Variants in CC2D2B observed in about 807,000 individuals in gnomAD.
CC2D2B encodes protein CC2D2B.
A neutral mutation model predicts 161.2 loss-of-function variants in CC2D2B; 128 were observed. The observed-to-expected ratio is 0.79, with a 90% CI of 0.69 to 0.92. CC2D2B has a LOEUF of 0.92. Ranked by LOEUF, CC2D2B falls within the 40% of genes least tolerant of loss-of-function variation. CC2D2B has a pLI of 0.00. For synonymous variants in CC2D2B, 391 were observed against 449.8 expected (o/e 0.87, Z 1.65); for missense variants, 1,173 against 1,375.1 (o/e 0.85, Z 2.32).
intron 34 of CC2D2B, among the ~76,000 whole-genome samples, chr10:96,031,196 G>A (rs1010809111): frequency 6.6e-6 from 1 of 152,106 alleles, no homozygotes; most frequent in Admixed American, 6.6e-5. Context: ...GTTAGAGAGA[G>A]ACCAGAAAAC....
In CC2D2B at chr10:95,966,175, T is replaced by C. The variant is rs1564624755; in HGVS notation, c.1354-15T>C. On this transcript the variant is annotated splice_polypyrimidine_tract_variant and intron_variant, in intron 13 of 34. Coordinates refer to ENST00000646931, the MANE Select transcript of CC2D2B (RefSeq NM_001349008.3). ...ATGTACATGGCAAATCATATATTTA[T>C]TTTTTGATTTCTAGAGCCTCTCATA... 9.8e-7 allele frequency: 1 copy of C among 1,019,680 alleles called. No individual in the cohort carries two copies. Among genetic ancestry groups the C allele is most frequent in the Non-Finnish European group, 1.3e-6 (1 of 794,658 alleles). 63.2% of individuals were successfully genotyped at this position (1,019,680 alleles called of 1,614,324 possible).
At chr10:96,024,500 G>A (rs1407595875) in intron 32 of CC2D2B, among the ~76,000 whole-genome samples, 1 of 152,158 alleles carries the variant, frequency 6.6e-6, no homozygotes, top group African/African-American at 2.4e-5. Flanking sequence ...TCAGAACAGA[G>A]AGGTGAAGAC....
chr10:95,983,173 T>C (rs922354128), intron 18 of CC2D2B, among the ~76,000 whole-genome samples: 10 of 152,250 alleles, frequency 6.6e-5, no homozygotes, highest in Admixed American at 6.5e-4. Context: ...TCGTGTGTAC[T>C]ATGCACTCAC....
At position 95,996,215 on chromosome 10, in the gene CC2D2B, C is replaced by A; in HGVS notation, c.2812C>A (p.His938Asn). ...VYKTNTASGS[H>N]PCWNEEIKVD... The stretch of plus-strand genomic sequence containing the variant: ...CAAAACCAATACAGCAAGTGGATCT[C>A]ATCCATGCTGGAATGAAGAAATTAA... Residue 938 changes from histidine to asparagine, a missense_variant, in exon 24 of 35, where the codon CAT (histidine) becomes AAT (asparagine). Physicochemically the swap from His to Asn is moderately conservative, Grantham distance 68. Transcript: ENST00000646931. 6.6e-7 allele frequency: 1 copy of A among 1,512,876 alleles called. No individual in the cohort carries two copies. Among genetic ancestry groups the A allele is most frequent in the South Asian group, 1.2e-5 (1 of 80,582 alleles). 93.7% of individuals were successfully genotyped at this position (1,512,876 alleles called of 1,614,324 possible).
intron 17 of CC2D2B, among the ~76,000 whole-genome samples, chr10:95,981,221 C>CCG (rs888803289): frequency 1.3e-5 from 2 of 151,942 alleles, no homozygotes; most frequent in Non-Finnish European, 2.9e-5. Context: ...GTGAAATGCC[C>CCG]TCTCTACTAA....
At chr10:95,998,455 G>T (rs1464514755) in intron 24 of CC2D2B, among the ~76,000 whole-genome samples, 3 of 152,016 alleles carry the variant, frequency 2.0e-5, no homozygotes, top group Non-Finnish European at 4.4e-5. Flanking sequence ...GCCAACCACT[G>T]ATCTTTTTAC....
intron 29 of CC2D2B, among the ~76,000 whole-genome samples, chr10:96,014,178 C>A (rs1175781855): frequency 1.3e-5 from 2 of 152,122 alleles, no homozygotes; most frequent in Non-Finnish European, 2.9e-5. Context: ...GTTGGTCAGA[C>A]CCTGAAGTCT....
At chr10:95,932,996 C>T (rs2075667566) in intron 6 of CC2D2B, among the ~76,000 whole-genome samples, 1 of 152,190 alleles carries the variant, frequency 6.6e-6, no homozygotes, top group Non-Finnish European at 1.5e-5. Context: ...GTTCCATTCT[C>T]CTCGTCACTT....
rs1002066312 is a variant in CC2D2B at position 95,934,091 on chromosome 10, T to A, written c.337-3900T>A. ...AGATGCCCTGGCCAGAGAGGAGGAG[T>A]CTAGAGAGGCAGTTTGGCTACAGCA... On this transcript the variant is annotated intron_variant, in intron 6 of 34. Coordinates refer to ENST00000646931, the MANE Select transcript of CC2D2B (RefSeq NM_001349008.3). Among the ~76,000 whole-genome samples, 15 of 151,560 alleles carry A rather than the reference T, an allele frequency of 9.9e-5. 1 individual carries two copies. Among genetic ancestry groups the A allele is most frequent in the African/African-American group, 3.4e-4 (14 of 41,240 alleles).
Position 95,947,082 on chromosome 10 carries a change from A to AATATAT in CC2D2B, c.802-2787_802-2782dup, listed in dbSNP as rs1297977316. Among the ~76,000 whole-genome samples the AATATAT allele has an allele frequency of 7.9e-3, 312 of 39,458 alleles. 13 individuals are homozygous for AATATAT. The highest frequency in any genetic ancestry group is 0.043 in the Middle Eastern group (2 of 46). 25.9% of individuals were successfully genotyped at this position (39,458 alleles called of 152,430 possible). A position where few individuals can be genotyped will look rare whatever the true frequency, so the allele number is the denominator to read the frequency against. On this transcript the variant is annotated intron_variant, in intron 9 of 34. Transcript: ENST00000646931. ...ATAAATTCCAAATAGTGGACTCAAA[A>AATATAT]ATATATATATATATATATATATATA...
chr10:95,954,840 G>A (rs1346150753), intron 10 of CC2D2B, among the ~76,000 whole-genome samples: 1 of 152,044 alleles, frequency 6.6e-6, no homozygotes, highest in Non-Finnish European at 1.5e-5. Context: ...TGTGACAGAC[G>A]TCTCCTTTAT....
rs2077810416 is a variant in CC2D2B at position 95,988,287 on chromosome 10, C to G, written c.2324C>G (p.Ser775Ter). 8.1e-7 allele frequency: 1 copy of G among 1,227,622 alleles called. No homozygotes were observed. Among genetic ancestry groups the G allele is most frequent in the Non-Finnish European group, 1.0e-6 (1 of 982,324 alleles). 76.0% of individuals were successfully genotyped at this position (1,227,622 alleles called of 1,614,324 possible). A position where few individuals can be genotyped will look rare whatever the true frequency, so the allele number is the denominator to read the frequency against. Residue 775 changes from serine (S) to a stop codon, truncating the protein, a stop_gained, in exon 20 of 35, where the codon TCA (serine) becomes TGA (stop). Transcript: ENST00000646931. LOFTEE classifies it high-confidence loss of function. ...CAGAAAGAGAAGGAGGTATCCGTTTCAGATGTAAATTCTATTACAGCACAA... is the reference window on the plus strand; with the variant it reads ...CAGAAAGAGAAGGAGGTATCCGTTTGAGATGTAAATTCTATTACAGCACAA... ...ESQKEKEVSVSDVNSITAQRI... is the reference protein window; with the variant it reads ...ESQKEKEVSV
intron 12 of CC2D2B, among the ~76,000 whole-genome samples, chr10:95,963,859 G>T (rs1255335077): frequency 6.6e-6 from 1 of 152,180 alleles, no homozygotes; most frequent in East Asian, 1.9e-4. Flanking sequence ...GTAACAGGAA[G>T]TTGAGGAGAT....
At position 96,013,827 on chromosome 10, in the gene CC2D2B, C is replaced by T; in HGVS notation, c.3466C>T (p.Pro1156Ser). Residue 1156 changes from proline to serine, a missense_variant, in exon 29 of 35, where the codon CCT (proline) becomes TCT (serine). Coordinates refer to ENST00000646931, the MANE Select transcript of CC2D2B (RefSeq NM_001349008.3). ...ARFVSLIPFV[P>S]NTPDENDGSD... ...ATTTGTATCTTTGATTCCTTTTGTG[C>T]CTAATACACCAGATGAAAATGATGG... 6.2e-7 allele frequency: 1 copy of T among 1,601,666 alleles called. No individual in the cohort carries two copies.
At chr10:95,996,803 C>A (rs1564653325) in intron 24 of CC2D2B, among the ~76,000 whole-genome samples, 1 of 124,222 alleles carries the variant, frequency 8.1e-6, no homozygotes, top group Non-Finnish European at 1.7e-5. Context: ...AAATGTGCTC[C>A]CCAAAATTCA....
rs41291584 is a variant in CC2D2B, at chr10:95,938,890, C to A, written c.766C>A (p.Pro256Thr). ...WNFRLNVRKEPLNPLLKTIYR... is the reference protein window; with the variant it reads ...WNFRLNVRKETLNPLLKTIYR... ...TTTCAGACTAAATGTAAGGAAGGAA[C>A]CTTTAAATCCATTACTTAAGACCAT... The change falls in exon 9 of 35, where the codon CCT (proline) becomes ACT (threonine). Residue 256 changes from proline to threonine, a missense_variant. Physicochemically the swap from Pro to Thr is conservative, Grantham distance 38. This residue lies in a region of CC2D2B where 298 missense variants were observed against 261.2 expected (regional missense o/e 1.14). Transcript: ENST00000646931. 2,281 of 713,744 alleles carry A rather than the reference C, an allele frequency of 3.2e-3. 13 individuals are homozygous for A. Among genetic ancestry groups the A allele is most frequent in the Middle Eastern group, 0.025 (107 of 4,318 alleles). 44.2% of individuals were successfully genotyped at this position (713,744 alleles called of 1,614,324 possible). A position where few individuals can be genotyped will look rare whatever the true frequency, so the allele number is the denominator to read the frequency against.
intron 29 of CC2D2B, among the ~76,000 whole-genome samples, chr10:96,015,324 G>A (rs575858160): frequency 3.4e-5 from 5 of 147,636 alleles, no homozygotes; most frequent in South Asian, 2.1e-4. Context: ...TGATCTGGCC[G>A]CCTCAGCCTC....
At chr10:95,959,008 G>A (rs116787020) in intron 11 of CC2D2B, among the ~76,000 whole-genome samples, 2,835 of 151,884 alleles carry the variant, frequency 0.019, 36 homozygotes, top group Middle Eastern at 0.055. Flanking sequence ...GAAAGGAAAA[G>A]GAACATTACT....
chr10:96,000,074 TG>T, intron 24 of CC2D2B: 1 of 1,486,892 alleles, frequency 6.7e-7, no homozygotes, highest in Non-Finnish European at 9.0e-7. Context: ...AGTTTTGCCG[TG>T]GTAACACCTG....
Sources: gnomAD v4.1 joint callset for allele counts (sites outside exome capture counted in the v4.1 genomes callset) on GRCh38, gnomAD v4.1.1 for gene constraint, gnomAD v4.1.1 regional missense constraint, MANE v1.5 for transcripts, NCBI Gene and HGNC (gene_info 2026-07-23, HGNC 2026-07-21) for gene names.